Variants in MSH3 observed in about 807,000 individuals in gnomAD.
The protein encoded by MSH3 is DNA mismatch repair protein Msh3.
Under a neutral mutation model 123.3 loss-of-function variants are expected in MSH3, and 106 were observed. The ratio of observed to expected loss-of-function variants is 0.86; its 90% CI spans 0.73 to 1.01. The LOEUF (loss-of-function observed/expected upper bound fraction) is 1.01. Ranked by LOEUF, MSH3 falls within the 50% of genes least tolerant of loss-of-function variation. The pLI, the probability that MSH3 is intolerant of heterozygous loss-of-function variation, is 0.00. For synonymous variants in MSH3, 515 were observed against 481.4 expected (o/e 1.07, Z -0.91); for missense variants, 1,459 against 1,347.6 (o/e 1.08, Z -1.29).
At chr5:80,838,922 G>A (rs1745565691) in intron 20 of MSH3, among the ~76,000 whole-genome samples, 1 of 152,054 alleles carries the variant, frequency 6.6e-6, no homozygotes, top group South Asian at 2.1e-4. Context: ...TTTTCAATGA[G>A]ACAGCTAATT....
chr5:80,798,378 A>G (rs1744735557), intron 19 of MSH3, among the ~76,000 whole-genome samples: 1 of 152,122 alleles, frequency 6.6e-6, no homozygotes, highest in Non-Finnish European at 1.5e-5. Flanking sequence ...AGATTTCCCA[A>G]TTCCTTCCCT....
chr5:80,699,474 C>T (rs1239882289), intron 8 of MSH3, among the ~76,000 whole-genome samples: 2 of 144,652 alleles, frequency 1.4e-5, no homozygotes, highest in Non-Finnish European at 3.0e-5. Flanking sequence ...AGGAGAATGG[C>T]TTGAACCCGG....
intron 12 of MSH3, 22 bp downstream of exon 12, chr5:80,744,637 G>T: frequency 6.5e-7 from 1 of 1,536,486 alleles, no homozygotes; most frequent in Non-Finnish European, 9.0e-7. Context: ...TCTTTTTGGG[G>T]TGTTTAATCT....
intron 19 of MSH3, among the ~76,000 whole-genome samples, chr5:80,797,732 G>A (rs1744721120): frequency 6.6e-6 from 1 of 152,172 alleles, no homozygotes; most frequent in Non-Finnish European, 1.5e-5. Context: ...GTATTTTAAT[G>A]GAACACTGGA....
At chr5:80,678,606 TG>T (rs1418352518) in intron 7 of MSH3, among the ~76,000 whole-genome samples, 1 of 152,228 alleles carries the variant, frequency 6.6e-6, no homozygotes, top group African/African-American at 2.4e-5. Context: ...TAGGCTGGTT[TG>T]GTTCCATTTA....
At chr5:80,752,637 TGTGA>T (rs1279114178) in intron 12 of MSH3, among the ~76,000 whole-genome samples, 1 of 152,178 alleles carries the variant, frequency 6.6e-6, no homozygotes, top group Non-Finnish European at 1.5e-5. Flanking sequence ...ATTGTGGTGT[TGTGA>T]GGACCAAATG....
Position 80,870,519 on chromosome 5 carries a change from C to T in MSH3, c.3131-2597C>T, listed in dbSNP as rs139762616. Reference sequence around the variant, plus strand: ...TATCCAGGTTTGCAGGCACTGGCTTCTAGCTGCATCTTCCCTAATCTGTTC... The same window carrying T: ...TATCCAGGTTTGCAGGCACTGGCTTTTAGCTGCATCTTCCCTAATCTGTTC... On this transcript the variant is annotated intron_variant, in intron 22 of 23. Transcript: ENST00000265081. 2.3e-3 allele frequency among the ~76,000 whole-genome samples: 347 copies of T among 152,298 alleles called. 4 individuals are homozygous for T. The South Asian group carries it at 0.043, about 19-fold the overall frequency.
At chr5:80,729,073 A>G (rs1743357941) in intron 10 of MSH3, 108 bp downstream of exon 10, 1 of 721,488 alleles carries the variant, frequency 1.4e-6, no homozygotes, top group Non-Finnish European at 2.5e-6. Flanking sequence ...CTATTGATAG[A>G]ATACTAGGGT....
chr5:80,808,188 A>G (rs143581238), intron 19 of MSH3, among the ~76,000 whole-genome samples: 1 of 152,186 alleles, frequency 6.6e-6, no homozygotes, highest in African/African-American at 2.4e-5. Flanking sequence ...TCTTGATCTT[A>G]AATCTAGCCA....
intron 2 of MSH3, among the ~76,000 whole-genome samples, chr5:80,664,337 G>A (rs1408821368): frequency 6.6e-6 from 1 of 152,172 alleles, no homozygotes; most frequent in African/African-American, 2.4e-5. Context: ...AACCCCTGAT[G>A]TCAATATCAA....
intron 20 of MSH3, among the ~76,000 whole-genome samples, chr5:80,822,991 T>G (rs550461586): frequency 6.6e-6 from 1 of 152,372 alleles, no homozygotes; most frequent in South Asian, 2.1e-4. Flanking sequence ...CATACTAGTT[T>G]TTTAGCTACT....
intron 12 of MSH3, among the ~76,000 whole-genome samples, chr5:80,749,254 C>T (rs1743783695): frequency 6.6e-6 from 1 of 152,180 alleles, no homozygotes; most frequent in Admixed American, 6.5e-5. Context: ...ACAGTGCAGC[C>T]TTCAGTTTGT....
chr5:80,779,034 G>C (rs888191476), intron 17 of MSH3, among the ~76,000 whole-genome samples, 198 bp downstream of exon 17: 4 of 142,622 alleles, frequency 2.8e-5, no homozygotes, highest in Non-Finnish European at 6.0e-5. Flanking sequence ...CTTTGTCACC[G>C]AGGCTGGAGT....
chr5:80,814,269 A>G (rs780819897), intron 20 of MSH3, among the ~76,000 whole-genome samples: 1 of 151,706 alleles, frequency 6.6e-6, no homozygotes, highest in South Asian at 2.1e-4. Context: ...ATTTTATTTT[A>G]TTTATTATTA....
chr5:80,840,628 G>T (rs975535453), intron 20 of MSH3, among the ~76,000 whole-genome samples: 8 of 151,974 alleles, frequency 5.3e-5, no homozygotes, highest in African/African-American at 1.9e-4. Context: ...TAAGTTCTAG[G>T]GTACATGTGC....
chr5:80,745,056 A>G (rs1743690455), intron 12 of MSH3, among the ~76,000 whole-genome samples: 1 of 152,190 alleles, frequency 6.6e-6, no homozygotes, highest in South Asian at 2.1e-4. Flanking sequence ...CAGTAATAGC[A>G]AGGAGTCCAA....
At chr5:80,778,394 A>G (rs1230037595) in intron 16 of MSH3, among the ~76,000 whole-genome samples, 1 of 152,172 alleles carries the variant, frequency 6.6e-6, no homozygotes, top group Non-Finnish European at 1.5e-5. Context: ...TTCTTTTACC[A>G]TATATGCTTC....
At chr5:80,850,817 C>G (rs1159073148) in intron 20 of MSH3, among the ~76,000 whole-genome samples, 1 of 152,166 alleles carries the variant, frequency 6.6e-6, no homozygotes, top group Non-Finnish European at 1.5e-5. Context: ...TCAGTCTTCT[C>G]TTTCATACTG....
intron 20 of MSH3, among the ~76,000 whole-genome samples, chr5:80,853,468 C>A (rs1425362084): frequency 1.3e-5 from 2 of 150,426 alleles, no homozygotes; most frequent in Non-Finnish European, 3.0e-5. Flanking sequence ...GGAATGAAAC[C>A]CTGTCCAAAA....
Sources: gnomAD v4.1 joint callset for allele counts (sites outside exome capture counted in the v4.1 genomes callset) on GRCh38, gnomAD v4.1.1 for gene constraint, MANE v1.5 for transcripts, NCBI Gene and HGNC (gene_info 2026-07-23, HGNC 2026-07-21) for gene names.